The following SPMIP2 variants were observed in gnomAD, a reference collection of about 807,000 sequenced individuals.
SPMIP2 encodes the protein sperm microtubule inner protein 2.
chr4:158,912,673 A>C, the SPMIP2 span, among the ~76,000 whole-genome samples: 1 of 152,198 alleles, frequency 6.6e-6, no homozygotes, highest in Admixed American at 6.5e-5. Context: ...TTTTCCCTAA[A>C]GAGGATTCAT....
chr4:159,027,085 C>T, the SPMIP2 span, among the ~76,000 whole-genome samples: 51 of 151,630 alleles, frequency 3.4e-4, no homozygotes, highest in African/African-American at 1.2e-3. Flanking sequence ...GTTGCTGTCA[C>T]CTATAGATAA....
chr4:158,921,301 C>T, the SPMIP2 span, among the ~76,000 whole-genome samples: 1 of 152,044 alleles, frequency 6.6e-6, no homozygotes, highest in Non-Finnish European at 1.5e-5. Context: ...AATTAGCCAG[C>T]CATGGTGGCA....
the SPMIP2 span, among the ~76,000 whole-genome samples, chr4:159,067,226 T>TA: frequency 0.44 from 66,666 of 151,398 alleles, 15,231 homozygotes; most frequent in East Asian, 0.6. Flanking sequence ...AGAATCTATT[T>TA]AAAAAAAAAC....
chr4:158,911,836 G>A, the SPMIP2 span, among the ~76,000 whole-genome samples: 7 of 152,186 alleles, frequency 4.6e-5, no homozygotes, highest in African/African-American at 1.7e-4. Context: ...CACTGAGACT[G>A]AAGTCTGTGT....
At chr4:159,064,127 C>T in the SPMIP2 span, among the ~76,000 whole-genome samples, 1 of 152,160 alleles carries the variant, frequency 6.6e-6, no homozygotes, top group African/African-American at 2.4e-5. Context: ...AGGAGAATCA[C>T]TTGAAGCCAG....
chr4:159,024,801 A>G, the SPMIP2 span, among the ~76,000 whole-genome samples: 2 of 152,324 alleles, frequency 1.3e-5, no homozygotes, highest in African/African-American at 4.8e-5. Flanking sequence ...CAAAAAGCCA[A>G]TGTTTGTCAG....
chr4:158,952,121 G>A, the SPMIP2 span, among the ~76,000 whole-genome samples: 2 of 152,160 alleles, frequency 1.3e-5, no homozygotes, highest in African/African-American at 4.8e-5. Flanking sequence ...CTGTCTCTGA[G>A]GTAAGGAAAA....
the SPMIP2 span, chr4:159,035,204 G>A: frequency 4.0e-5 from 33 of 832,668 alleles, no homozygotes; most frequent in East Asian, 7.9e-5. Flanking sequence ...CTCCCTGCTT[G>A]TGACCTGCAC....
At chr4:158,992,789 A>G in the SPMIP2 span, among the ~76,000 whole-genome samples, 2 of 152,148 alleles carry the variant, frequency 1.3e-5, no homozygotes, top group Admixed American at 6.5e-5. Flanking sequence ...AGCAAGCTGG[A>G]GGTGCTGTGA....
At chr4:159,017,350 A>AACATATAC in the SPMIP2 span, among the ~76,000 whole-genome samples, 1 of 51,430 alleles carries the variant, frequency 1.9e-5, no homozygotes, top group South Asian at 7.2e-4. Context: ...CACAAACACA[A>AACATATAC]ACACATACAC....
At chr4:158,961,992 G>A in the SPMIP2 span, among the ~76,000 whole-genome samples, 1 of 151,960 alleles carries the variant, frequency 6.6e-6, no homozygotes, top group Non-Finnish European at 1.5e-5. Context: ...TTAAATCAGT[G>A]AGAACCTTTT....
chr4:159,030,192 C>A, the SPMIP2 span, among the ~76,000 whole-genome samples: 1 of 152,126 alleles, frequency 6.6e-6, no homozygotes, highest in African/African-American at 2.4e-5. Flanking sequence ...GTGGGCAGAT[C>A]TCTTGAGCCC....
At chr4:158,962,707 G>C in the SPMIP2 span, among the ~76,000 whole-genome samples, 1 of 152,084 alleles carries the variant, frequency 6.6e-6, no homozygotes, top group Admixed American at 6.5e-5. Context: ...TTCTAGATTG[G>C]AACTATTACA....
chr4:159,043,385 CG>C, the SPMIP2 span, among the ~76,000 whole-genome samples: 4 of 152,014 alleles, frequency 2.6e-5, no homozygotes, highest in Non-Finnish European at 1.5e-5. Flanking sequence ...CTCACTCTGT[CG>C]CCCAGGCTGG....
At chr4:158,928,110 G>C in the SPMIP2 span, among the ~76,000 whole-genome samples, 2 of 152,234 alleles carry the variant, frequency 1.3e-5, no homozygotes, top group South Asian at 2.1e-4. Context: ...GGACTGGCAG[G>C]CAGCTCCACC....
At chr4:158,921,879 A>T in the SPMIP2 span, among the ~76,000 whole-genome samples, 1 of 132,870 alleles carries the variant, frequency 7.5e-6, no homozygotes, top group Non-Finnish European at 1.5e-5. Context: ...CATTCCTTCT[A>T]CATACTTTTT....
chr4:158,995,734 G>A, the SPMIP2 span, among the ~76,000 whole-genome samples: 1 of 151,782 alleles, frequency 6.6e-6, no homozygotes. Flanking sequence ...GCGTGTGCCT[G>A]TAGTCCCAGC....
the SPMIP2 span, among the ~76,000 whole-genome samples, chr4:159,037,996 T>C: frequency 6.6e-6 from 1 of 152,052 alleles, no homozygotes; most frequent in African/African-American, 2.4e-5. Context: ...TCTCTCTCTC[T>C]CTCTCAATAC....
the SPMIP2 span, among the ~76,000 whole-genome samples, chr4:158,949,515 G>A: frequency 5.3e-5 from 8 of 152,136 alleles, no homozygotes; most frequent in South Asian, 6.2e-4. Flanking sequence ...AGGTGGTGAA[G>A]CTGGGACTTG....
Sources: allele counts gnomAD v4.1 joint callset (sites outside exome capture counted in the v4.1 genomes callset), GRCh38; gene constraint gnomAD v4.1.1; transcripts MANE v1.5; gene names NCBI Gene and HGNC (gene_info 2026-07-23, HGNC 2026-07-21).